LAMP2: variants seen among roughly 807,000 people sequenced by gnomAD.
LAMP2 encodes lysosome-associated membrane glycoprotein 2.
A neutral mutation model predicts 25.6 loss-of-function variants in LAMP2; 4 were observed. The observed-to-expected ratio is 0.16, with a 90% CI of 0.08 to 0.36. The LOEUF is 0.36. Ranked by LOEUF, LAMP2 falls within the 10% of genes least tolerant of loss-of-function variation. The pLI, the probability that LAMP2 is intolerant of heterozygous loss-of-function variation, is 1.00. For synonymous variants in LAMP2, 108 were observed against 112.7 expected (o/e 0.96, Z 0.27); for missense variants, 272 against 301.4 (o/e 0.90, Z 0.72).
At chrX:120,447,373 A>T (rs996318179) in intron 5 of LAMP2, among the ~76,000 whole-genome samples, 25 of 107,794 alleles carry the variant, frequency 2.3e-4, no homozygotes, top group Non-Finnish European at 4.2e-4. Flanking sequence ...ATGCCACTGC[A>T]CTCCAGCCTG....
chrX:120,453,678 C>T (rs993333514), intron 3 of LAMP2, among the ~76,000 whole-genome samples: 1 of 111,465 alleles, frequency 9.0e-6, no homozygotes, highest in African/African-American at 3.3e-5. Context: ...CGTGGTGGCA[C>T]GCACCTGTAA....
intron 6 of LAMP2, 93 bp downstream of exon 6, chrX:120,446,212 A>C: frequency 1.2e-6 from 1 of 819,633 alleles, no homozygotes; most frequent in Non-Finnish European, 1.8e-6. Context: ...CTGGAAAATA[A>C]AGCTAAATAC....
chrX:120,465,730 T>C (rs1342468633), intron 1 of LAMP2, among the ~76,000 whole-genome samples: 1 of 112,262 alleles, frequency 8.9e-6, no homozygotes, highest in African/African-American at 3.2e-5. Context: ...TCCTCCTTCA[T>C]TGGCACTCCG....
chrX:120,441,980 T>G (rs922265955), intron 7 of LAMP2, 86 bp from the exon 8 acceptor site: 2 of 885,362 alleles, frequency 2.3e-6, no homozygotes, highest in African/African-American at 3.9e-5. Flanking sequence ...GGCTCACGCC[T>G]GTAATTCCAG....
intron 8 of LAMP2, among the ~76,000 whole-genome samples, chrX:120,432,041 A>T (rs924019756): frequency 1.5e-4 from 17 of 111,617 alleles, no homozygotes; most frequent in African/African-American, 5.5e-4. Flanking sequence ...ATAATTTCAA[A>T]ATGTGTTGTG....
At chrX:120,455,625 A>C (rs962831690) in intron 2 of LAMP2, 55 bp from the exon 3 acceptor site, 1 of 944,559 alleles carries the variant, frequency 1.1e-6, no homozygotes, top group East Asian at 3.1e-5. Context: ...AGGAACACCA[A>C]GCATTTATGT....
chrX:120,428,501 C>A lies in LAMP2; in HGVS notation c.*2822G>T. The A allele has an allele frequency of 8.4e-7, 1 of 1,190,509 alleles. No individual in the cohort carries two copies. Among genetic ancestry groups the A allele is most frequent in the Non-Finnish European group, 1.1e-6 (1 of 885,544 alleles). On this transcript the variant is annotated 3_prime_UTR_variant, in exon 9 of 9. Coordinates refer to ENST00000200639, the MANE Select transcript of LAMP2 (RefSeq NM_002294.3). ...TTAACTGATTACACAGACTGATAACCAGTACGACTTTTCCTTCTTCCAATC... is the reference window on the plus strand; with the variant it reads ...TTAACTGATTACACAGACTGATAACAAGTACGACTTTTCCTTCTTCCAATC...
chrX:120,461,910 T>C (rs1921326986), intron 1 of LAMP2, among the ~76,000 whole-genome samples: 1 of 112,029 alleles, frequency 8.9e-6, no homozygotes, highest in Non-Finnish European at 1.9e-5. Context: ...CTTCAATAAA[T>C]TTTGACATGG....
intron 8 of LAMP2, chrX:120,437,895 G>A (rs2058552585): frequency 6.4e-6 from 4 of 622,105 alleles, no homozygotes; most frequent in Non-Finnish European, 7.7e-6. Context: ...CGTTTTTGTC[G>A]CCCAGGCTGG....
chrX:120,456,064 G>T, intron 2 of LAMP2, among the ~76,000 whole-genome samples: 1 of 101,243 alleles, frequency 9.9e-6, no homozygotes, highest in South Asian at 4.9e-4. Flanking sequence ...ATAGAGTCTC[G>T]CTCTGTTGCC....
intron 8 of LAMP2, among the ~76,000 whole-genome samples, chrX:120,440,732 C>A (rs1317706796): frequency 1.8e-5 from 2 of 112,181 alleles, no homozygotes; most frequent in East Asian, 5.6e-4. Context: ...AATAAAGCTA[C>A]TAAAGGATCA....
intron 1 of LAMP2, among the ~76,000 whole-genome samples, chrX:120,465,822 C>A (rs1314695719): frequency 8.9e-6 from 1 of 111,847 alleles, no homozygotes; most frequent in Non-Finnish European, 1.9e-5. Context: ...AGGTACTTTA[C>A]AAATATTTAT....
At chrX:120,439,680 T>C (rs1443195534) in intron 8 of LAMP2, among the ~76,000 whole-genome samples, 4 of 110,023 alleles carry the variant, frequency 3.6e-5, no homozygotes, top group Middle Eastern at 4.4e-3. Context: ...ATGATATATA[T>C]TTTATATGTG....
chrX:120,428,407 A>G lies in LAMP2; in HGVS notation c.*2916T>C. ...CTGCATATCTTAAACAATCTATTGC[A>G]CAGCATGTCCTGGCTTTTAGCCAAT... On this transcript the variant is annotated 3_prime_UTR_variant, in exon 9 of 9. Transcript: ENST00000200639. 6.3e-6 allele frequency: 7 copies of G among 1,108,787 alleles called. No homozygotes were observed. Among genetic ancestry groups the G allele is most frequent in the Non-Finnish European group, 8.2e-6 (7 of 849,308 alleles). 91.4% of individuals were successfully genotyped at this position (1,108,787 alleles called of 1,213,427 possible). A position where few individuals can be genotyped will look rare whatever the true frequency, so the allele number is the denominator to read the frequency against.
rs141971293 is a variant in LAMP2, at chrX:120,463,938, G to A, written c.64+5168C>T. ...TCGTTTTTTTTTTGTTTTTTTTTAG[G>A]GTTCAGAATTTTTCAGTCCTTTACA... On this transcript the variant is annotated intron_variant, in intron 1 of 8. Coordinates refer to ENST00000200639, the MANE Select transcript of LAMP2 (RefSeq NM_002294.3). Among the ~76,000 whole-genome samples the A allele has an allele frequency of 4.9e-4, 50 of 102,855 alleles. 1 individual carries two copies. In the East Asian group the frequency reaches 9.7e-3, roughly 20 times the overall value. 89.3% of individuals were successfully genotyped at this position (102,855 alleles called of 115,157 possible). A position where few individuals can be genotyped will look rare whatever the true frequency, so the allele number is the denominator to read the frequency against.
chrX:120,430,116 T>C lies in LAMP2; in HGVS notation c.*1207A>G, dbSNP rs2058516821. On this transcript the variant is annotated 3_prime_UTR_variant, in exon 9 of 9. Coordinates refer to ENST00000200639, the MANE Select transcript of LAMP2 (RefSeq NM_002294.3). ...GTTAATCAGGAAGTTATAGAGACTC[T>C]GATCATGCCCCTATATACATACAAT... The C allele has an allele frequency of 1.3e-6, 1 of 752,856 alleles. No homozygotes were observed. The highest frequency in any genetic ancestry group is 1.6e-6 in the Non-Finnish European group (1 of 637,717). The allele number at this position is 752,856 out of a possible 1,213,427, so 62.0% of individuals were successfully genotyped here.
rs190221827 is a variant in LAMP2 at position 120,441,858 on chromosome X, T to A, written c.965A>T (p.Asp322Val). ...CATATAAGAACTTCCCAGGGGGGCA[T>A]CCCAGTAGCTGAGATTGTTATTTGC... ...SIANNNLSYW[D>V]APLGSSYMCN... is the part of the protein sequence containing the mutation. Residue 322 changes from aspartate to valine, a missense_variant, in exon 8 of 9, where the codon GAT becomes GTT. By Grantham distance (152) the Asp-to-Val change is radical (BLOSUM62 -3). Coordinates refer to ENST00000200639, the MANE Select transcript of LAMP2 (RefSeq NM_002294.3). 7.4e-6 allele frequency: 9 copies of A among 1,208,767 alleles called. No homozygotes were observed. The African/African-American group carries it at 8.7e-5, about 12-fold the overall frequency.
intron 8 of LAMP2, among the ~76,000 whole-genome samples, chrX:120,433,470 C>T (rs1351222306): frequency 9.0e-6 from 1 of 111,700 alleles, no homozygotes; most frequent in Non-Finnish European, 1.9e-5. Context: ...ACAGAAGATG[C>T]TGAATGGTAC....
rs974796518 is a variant in LAMP2 at position 120,436,507 on chromosome X, TA to T, written c.1094-5046del. The T allele has an allele frequency of 4.1e-6, 3 of 736,629 alleles. No homozygotes were observed. In the African/African-American group the frequency reaches 7.0e-5, roughly 17 times the overall value. The allele number at this position is 736,629 out of a possible 1,213,427, so 60.7% of individuals were successfully genotyped here. On this transcript the variant is annotated intron_variant, in intron 8 of 8. Coordinates refer to ENST00000200639, the MANE Select transcript of LAMP2 (RefSeq NM_002294.3). ...AAGGTAAGCAAATTGCCTTAAGAAATAAAAGAATCTTTATTGTTTTAGAAGC... is the reference window on the plus strand; with the variant it reads ...AAGGTAAGCAAATTGCCTTAAGAAATAAAGAATCTTTATTGTTTTAGAAGC...
Sources: gnomAD v4.1 joint callset for allele counts (sites outside exome capture counted in the v4.1 genomes callset) on GRCh38, gnomAD v4.1.1 for gene constraint, MANE v1.5 for transcripts, NCBI Gene and HGNC (gene_info 2026-07-23, HGNC 2026-07-21) for gene names.